PPP1CC: variants seen among roughly 807,000 people sequenced by gnomAD.
PPP1CC encodes the protein serine/threonine-protein phosphatase PP1-gamma catalytic subunit.
In PPP1CC, 16 loss-of-function variants were observed where a neutral mutation model predicts 38.4. The ratio of observed to expected loss-of-function variants is 0.42; its 90% confidence interval spans 0.28 to 0.63. The LOEUF is 0.63. PPP1CC is among the 30% of genes least tolerant of loss of function. PPP1CC has a pLI of 0.25. For missense variants in PPP1CC, 170 were observed against 391.3 expected (o/e 0.43, Z 4.77); for synonymous variants, 158 against 136.0 (o/e 1.16, Z -1.13).
chr12:110,741,231 C>T (rs2070013888), intron 1 of PPP1CC, among the ~76,000 whole-genome samples: 1 of 151,480 alleles, frequency 6.6e-6, no homozygotes, highest in Non-Finnish European at 1.5e-5. Flanking sequence ...GGAAAGAATG[C>T]ACAGATTAAG....
chr12:110,716,594 C>G (rs190083930), downstream of PPP1CC, among the ~76,000 whole-genome samples: 1 of 152,272 alleles, frequency 6.6e-6, no homozygotes, highest in Non-Finnish European at 1.5e-5. Context: ...CTCAAGTGAT[C>G]CACTCACCTC....
chr12:110,722,219 CAG>C lies in PPP1CC; in HGVS notation c.796_797del (p.Leu266ValfsTer11), dbSNP rs1252696705. 3 of 1,614,066 alleles carry C rather than the reference CAG, an allele frequency of 1.9e-6. No homozygotes were observed. Among genetic ancestry groups the C allele is most frequent in the Non-Finnish European group, 2.5e-6 (3 of 1,180,032 alleles). The stretch of plus-strand genomic sequence containing the variant: ...CTCCGCAATAATTGGGCGCAGAAAA[CAG>C]AGTGACCAACTGCCTCTTTGCAAAA... ...EFFAKRQLVT[L>X]FSAPNYCGEF... On this transcript the variant is annotated frameshift_variant, in exon 6 of 7. Transcript: ENST00000335007. LOFTEE classifies it high-confidence loss of function. The surrounding 1 kb of genome is among the most constrained non-coding windows in gnomAD (Gnocchi z 5.4).
chr12:110,727,602 T>C (rs1389013587), intron 3 of PPP1CC, among the ~76,000 whole-genome samples: 1 of 144,838 alleles, frequency 6.9e-6, no homozygotes, highest in Non-Finnish European at 1.5e-5. Flanking sequence ...TTCCATCACA[T>C]TTACAAAGTT....
Position 110,719,898 on chromosome 12 carries a change from G to A in PPP1CC, c.*1178C>T, listed in dbSNP as rs915523254. ...TGTATTGTGCTGATAAATAGACACTGAGAAGATTTAACAAGTTCATCATTT... is the reference window on the plus strand; with the variant it reads ...TGTATTGTGCTGATAAATAGACACTAAGAAGATTTAACAAGTTCATCATTT... On this transcript the variant is annotated 3_prime_UTR_variant, in exon 7 of 7. Coordinates refer to ENST00000335007, the MANE Select transcript of PPP1CC (RefSeq NM_002710.4). 2.1e-6 allele frequency: 1 copy of A among 481,718 alleles called. No homozygotes were observed. The highest frequency in any genetic ancestry group is 3.6e-5 in the South Asian group (1 of 28,114). The allele number at this position is 481,718 out of a possible 1,614,324, so 29.8% of individuals were successfully genotyped here. A position where few individuals can be genotyped will look rare whatever the true frequency, so the allele number is the denominator to read the frequency against.
intron 4 of PPP1CC, among the ~76,000 whole-genome samples, chr12:110,723,572 C>A (rs912748328): frequency 6.6e-6 from 1 of 152,138 alleles, no homozygotes; most frequent in African/African-American, 2.4e-5. Context: ...TGCAGTGGTG[C>A]GATCATAGCT....
downstream of PPP1CC, among the ~76,000 whole-genome samples, chr12:110,716,916 C>T (rs1675143083): frequency 6.6e-6 from 1 of 152,208 alleles, no homozygotes; most frequent in Non-Finnish European, 1.5e-5. Context: ...AATGCAAGTA[C>T]TCAATTCTAT....
At chr12:110,724,096 A>C (rs1000301718) in intron 4 of PPP1CC, among the ~76,000 whole-genome samples, 8 of 151,878 alleles carry the variant, frequency 5.3e-5, no homozygotes, top group Non-Finnish European at 1.2e-4. Context: ...AAATTAGCCA[A>C]GCGTGGTGGC....
intron 2 of PPP1CC, among the ~76,000 whole-genome samples, chr12:110,731,514 C>T (rs2069871829): frequency 6.6e-6 from 1 of 152,060 alleles, no homozygotes; most frequent in Admixed American, 6.6e-5. Flanking sequence ...GCTCTCCATT[C>T]TTAGTTTCAT....
chr12:110,742,769 A>C lies in PPP1CC; in HGVS notation c.-62T>G. 1.6e-6 allele frequency: 2 copies of C among 1,275,286 alleles called. No individual in the cohort carries two copies. Among genetic ancestry groups the C allele is most frequent in the Non-Finnish European group, 2.0e-6 (2 of 984,692 alleles). 79.0% of individuals were successfully genotyped at this position (1,275,286 alleles called of 1,614,324 possible). A position where few individuals can be genotyped will look rare whatever the true frequency, so the allele number is the denominator to read the frequency against. On this transcript the variant is annotated 5_prime_UTR_variant, in exon 1 of 7. Transcript: ENST00000335007. ...CCGCCGGCTCGCGCCCGGGACTCAC[A>C]CCTCCTTTCCCACGCCACGAGCAGA...
chr12:110,736,859 CAT>C (rs1015661195), intron 1 of PPP1CC, among the ~76,000 whole-genome samples: 6 of 152,172 alleles, frequency 3.9e-5, no homozygotes, highest in Middle Eastern at 3.4e-3. Context: ...TAAATAAAAA[CAT>C]ATTAAAGAAA....
At chr12:110,736,658 A>T (rs2069947789) in intron 1 of PPP1CC, among the ~76,000 whole-genome samples, 1 of 152,170 alleles carries the variant, frequency 6.6e-6, no homozygotes, top group Non-Finnish European at 1.5e-5. Flanking sequence ...AATATAAATA[A>T]ATAAAATAGC....
At position 110,720,568 on chromosome 12, in the gene PPP1CC, T is replaced by C. The variant is rs2136536493; in HGVS notation, c.*508A>G. On this transcript the variant is annotated 3_prime_UTR_variant, in exon 7 of 7. Coordinates refer to ENST00000335007, the MANE Select transcript of PPP1CC (RefSeq NM_002710.4). ...AATGTTGATAGCTATAAAAACTAGT[T>C]TGTACATAACAAGACAATGAGAGGA... 1 of 229,148 alleles carries C rather than the reference T, an allele frequency of 4.4e-6. No individual in the cohort carries two copies. Among genetic ancestry groups the C allele is most frequent in the Admixed American group, 5.2e-5 (1 of 19,314 alleles). 14.2% of individuals were successfully genotyped at this position (229,148 alleles called of 1,614,324 possible).
chr12:110,741,533 C>T (rs1326825478), intron 1 of PPP1CC, among the ~76,000 whole-genome samples: 1 of 152,086 alleles, frequency 6.6e-6, no homozygotes, highest in African/African-American at 2.4e-5. Context: ...TTTCAGCTTC[C>T]GTCTTTAAAA....
intron 1 of PPP1CC, among the ~76,000 whole-genome samples, chr12:110,734,160 T>C (rs1057425145): frequency 6.6e-6 from 1 of 152,178 alleles, no homozygotes; most frequent in African/African-American, 2.4e-5. Context: ...GCCAGTTTGC[T>C]TCTGCCGGCT....
the PPP1CC span, among the ~76,000 whole-genome samples, chr12:110,710,244 T>C: frequency 6.6e-6 from 1 of 152,084 alleles, no homozygotes; most frequent in African/African-American, 2.4e-5. Flanking sequence ...ACCTCTAATA[T>C]TAATAATGCA....
At chr12:110,709,354 G>A in the PPP1CC span, among the ~76,000 whole-genome samples, 3 of 148,198 alleles carry the variant, frequency 2.0e-5, no homozygotes, top group East Asian at 2.1e-4. Flanking sequence ...TCAGCCTCCC[G>A]AGTAGCTGGG....
At chr12:110,711,326 A>C in the PPP1CC span, among the ~76,000 whole-genome samples, 5 of 150,836 alleles carry the variant, frequency 3.3e-5, no homozygotes, top group African/African-American at 1.2e-4. Flanking sequence ...AGGCAGGAAG[A>C]TCTCTTGAGG....
intron 1 of PPP1CC, chr12:110,732,321 C>T (rs933957398): frequency 1.4e-5 from 3 of 207,370 alleles, no homozygotes; most frequent in African/African-American, 2.3e-5. Flanking sequence ...CGCCTGCACC[C>T]GGGAGGCGGA....
At chr12:110,716,526 T>A (rs1168062685), downstream of PPP1CC, among the ~76,000 whole-genome samples, 3 of 152,086 alleles carry the variant, frequency 2.0e-5, no homozygotes, top group Non-Finnish European at 2.9e-5. Context: ...CTGATTTTTG[T>A]ATTTTCAATG....
Sources: gnomAD v4.1 joint callset for allele counts (sites outside exome capture counted in the v4.1 genomes callset) on GRCh38, gnomAD v4.1.1 for gene constraint, Gnocchi (gnomAD v3.1) non-coding constraint, MANE v1.5 for transcripts, NCBI Gene and HGNC (gene_info 2026-07-23, HGNC 2026-07-21) for gene names.